Variants in PSKH1 observed in about 807,000 individuals in gnomAD.
PSKH1 encodes serine/threonine-protein kinase H1.
A neutral mutation model predicts 26.7 loss-of-function variants in PSKH1; 12 were observed. The ratio of observed to expected loss-of-function variants is 0.45; its 90% CI spans 0.29 to 0.73. The LOEUF (loss-of-function observed/expected upper bound fraction) is 0.73, where lower values mean the gene tolerates loss of function less well. Among genes scored for constraint, PSKH1 ranks in the 30% least tolerant of loss-of-function variants. The pLI is 0.11. For synonymous variants in PSKH1, 213 were observed against 234.3 expected (o/e 0.91, Z 0.83); for missense variants, 431 against 595.2 (o/e 0.72, Z 2.87).
At chr16:67,897,292 C>G (rs1013778763) in intron 1 of PSKH1, among the ~76,000 whole-genome samples, 1 of 152,200 alleles carries the variant, frequency 6.6e-6, no homozygotes, top group African/African-American at 2.4e-5. Context: ...TATTTGAACT[C>G]CCTTTCCTTC....
intron 2 of PSKH1, among the ~76,000 whole-genome samples, chr16:67,912,307 G>A (rs151122537): frequency 1.3e-5 from 2 of 152,344 alleles, no homozygotes; most frequent in African/African-American, 4.8e-5. Context: ...AGTCTAATTA[G>A]ATTTGACTCA....
At chr16:67,907,478 CT>C (rs1361708269) in intron 1 of PSKH1, among the ~76,000 whole-genome samples, 1 of 151,960 alleles carries the variant, frequency 6.6e-6, no homozygotes, top group Non-Finnish European at 1.5e-5. Flanking sequence ...CCAGGCTGAT[CT>C]CAAACTCCTG....
chr16:67,927,205 A>G lies in PSKH1; in HGVS notation c.958-120A>G. 8 of 1,026,372 alleles carry G rather than the reference A, an allele frequency of 7.8e-6. No individual in the cohort carries two copies. The South Asian group carries it at 9.3e-5, about 12-fold the overall frequency. The allele number at this position is 1,026,372 out of a possible 1,614,324, so 63.6% of individuals were successfully genotyped here. ...GTTGGGCGGGGAGGCCCCAAGTGCT[A>G]CATGAGAGGAGGGGCAGCACCTCTC... On this transcript the variant is annotated intron_variant, in intron 2 of 2. Transcript: ENST00000291041. The surrounding 1 kb of genome is among the most constrained non-coding windows in gnomAD (Gnocchi z 5.5).
intron 2 of PSKH1, among the ~76,000 whole-genome samples, chr16:67,926,869 G>C (rs1435180542): frequency 6.6e-6 from 1 of 152,138 alleles, no homozygotes. Context: ...TCGGCAGTTG[G>C]AGAGAGGTTG....
intron 1 of PSKH1, among the ~76,000 whole-genome samples, chr16:67,899,412 T>C (rs2058135821): frequency 6.8e-6 from 1 of 146,254 alleles, no homozygotes; most frequent in Non-Finnish European, 1.5e-5. Context: ...CTCGGCTCAC[T>C]GCAAGCTCCT....
intron 2 of PSKH1, among the ~76,000 whole-genome samples, chr16:67,923,866 A>C (rs1273990731): frequency 6.6e-6 from 1 of 152,226 alleles, no homozygotes; most frequent in Admixed American, 6.5e-5. Context: ...CTTGGCTGAC[A>C]CACATACTTA....
intron 1 of PSKH1, among the ~76,000 whole-genome samples, chr16:67,895,226 ATT>A (rs575246879): frequency 2.1e-5 from 3 of 143,618 alleles, no homozygotes; most frequent in Non-Finnish European, 3.1e-5. Context: ...CCTGGCTGAG[ATT>A]TTTTTTTTTT....
intron 1 of PSKH1, among the ~76,000 whole-genome samples, chr16:67,901,488 C>CCAT (rs2058141826): frequency 6.6e-6 from 1 of 152,072 alleles, no homozygotes; most frequent in South Asian, 2.1e-4. Context: ...CATGCCACCA[C>CCAT]GCCTGGCTAA....
intron 2 of PSKH1, among the ~76,000 whole-genome samples, chr16:67,920,495 G>C (rs112434994): frequency 0.15 from 22,697 of 152,100 alleles, 1,891 homozygotes; most frequent in African/African-American, 0.22. Flanking sequence ...CTGGCCTCAA[G>C]TGATCCTCCT....
chr16:67,902,657 A>G (rs1464245686), intron 1 of PSKH1, among the ~76,000 whole-genome samples: 1 of 152,102 alleles, frequency 6.6e-6, no homozygotes, highest in Non-Finnish European at 1.5e-5. Flanking sequence ...CCTCATTTAA[A>G]CAAAAATTTA....
chr16:67,908,151 A>G (rs1333386149), intron 1 of PSKH1, among the ~76,000 whole-genome samples: 9 of 152,132 alleles, frequency 5.9e-5, no homozygotes, highest in Admixed American at 5.9e-4. Context: ...GCCCAGGGAG[A>G]TGAGTCAAAG....
chr16:67,921,792 G>T (rs920535079), intron 2 of PSKH1, among the ~76,000 whole-genome samples: 8 of 152,104 alleles, frequency 5.3e-5, no homozygotes, highest in African/African-American at 1.9e-4. Flanking sequence ...CGAGCAAATA[G>T]CATCCTTCTC....
At chr16:67,913,070 A>G (rs1035358152) in intron 2 of PSKH1, among the ~76,000 whole-genome samples, 11 of 151,414 alleles carry the variant, frequency 7.3e-5, no homozygotes, top group African/African-American at 2.7e-4. Context: ...CTGTAGTCCC[A>G]GCTACTCAGG....
chr16:67,904,753 A>ATTAC (rs2151311355), intron 1 of PSKH1, among the ~76,000 whole-genome samples: 1 of 151,080 alleles, frequency 6.6e-6, no homozygotes, highest in South Asian at 2.1e-4. Flanking sequence ...AAGAGCTGGG[A>ATTAC]TTACTCCCGG....
chr16:67,909,223 G>A lies in PSKH1; in HGVS notation c.474G>A (p.Leu158=). 6.2e-7 allele frequency: 1 copy of A among 1,614,132 alleles called. No homozygotes were observed. Among genetic ancestry groups the A allele is most frequent in the Non-Finnish European group, 8.5e-7 (1 of 1,180,032 alleles). ...RRVRHANIIQ[L]VEVFETQERV... ...TGCGTCATGCCAACATCATCCAGCTGGTGGAGGTGTTCGAGACACAGGAGC... is the reference window on the plus strand; with the variant it reads ...TGCGTCATGCCAACATCATCCAGCTAGTGGAGGTGTTCGAGACACAGGAGC... Residue 158 remains leucine, a synonymous_variant, in exon 2 of 3, where the codon CTG becomes CTA. Coordinates refer to ENST00000291041, the MANE Select transcript of PSKH1 (RefSeq NM_006742.3). This position sits in a 1 kb window ranked among gnomAD's most constrained non-coding sequence, Gnocchi z 7.8.
At chr16:67,907,561 C>T (rs2058160130) in intron 1 of PSKH1, among the ~76,000 whole-genome samples, 1 of 152,182 alleles carries the variant, frequency 6.6e-6, no homozygotes, top group Non-Finnish European at 1.5e-5. Flanking sequence ...GTGCCCGGCC[C>T]CGCCTCTGAC....
At chr16:67,903,087 G>A (rs2058146267) in intron 1 of PSKH1, 1 of 152,146 alleles carries the variant, frequency 6.6e-6, no homozygotes, top group Admixed American at 6.5e-5. Context: ...ATCCTGAAGA[G>A]CCTTGTGGAG....
chr16:67,895,843 C>T (rs1319006582), intron 1 of PSKH1, among the ~76,000 whole-genome samples: 3 of 152,200 alleles, frequency 2.0e-5, no homozygotes, highest in Admixed American at 6.5e-5. Flanking sequence ...CTGTTGTGGT[C>T]TCATGCCTAG....
rs1163828152 is a variant in PSKH1 at position 67,929,669 on chromosome 16, C to CA, written c.*2028dup. 2 of 504,254 alleles carry CA rather than the reference C, an allele frequency of 4.0e-6. No individual in the cohort carries two copies. The highest frequency in any genetic ancestry group is 3.8e-5 in the African/African-American group (2 of 52,590). 31.2% of individuals were successfully genotyped at this position (504,254 alleles called of 1,614,324 possible). On this transcript the variant is annotated 3_prime_UTR_variant, in exon 3 of 3. Transcript: ENST00000291041. ...TGCCTCTCCAGGGAGGGCTGCCATT[C>CA]ATTCCAACAGTTCTGGCTTCTTGCT...
Sources: gnomAD v4.1 joint callset for allele counts (sites outside exome capture counted in the v4.1 genomes callset) on GRCh38, gnomAD v4.1.1 for gene constraint, Gnocchi (gnomAD v3.1) non-coding constraint, MANE v1.5 for transcripts, NCBI Gene and HGNC (gene_info 2026-07-23, HGNC 2026-07-21) for gene names.